LIMK1: variants seen among roughly 807,000 people sequenced by gnomAD.
The protein encoded by LIMK1 is LIM domain kinase 1.
Under a neutral mutation model 77.6 loss-of-function variants are expected in LIMK1, and 21 were observed. The ratio of observed to expected loss-of-function variants is 0.27; its 90% CI spans 0.19 to 0.39. The LOEUF is 0.39. Ranked by LOEUF, LIMK1 falls within the 10% of genes least tolerant of loss-of-function variation. The probability of loss-of-function intolerance (pLI) is 1.00; values close to 1 mark genes in which losing one functional copy is unlikely to be tolerated. For missense variants in LIMK1, 696 were observed against 901.6 expected (o/e 0.77, Z 2.92); for synonymous variants, 358 against 370.0 (o/e 0.97, Z 0.37).
chr7:74,085,761 CGTGT>C lies in LIMK1; in HGVS notation c.73_76del (p.Cys25GlnfsTer16). 6.4e-7 allele frequency: 1 copy of C among 1,559,078 alleles called. No homozygotes were observed. The highest frequency in any genetic ancestry group is 8.7e-7 in the Non-Finnish European group (1 of 1,151,072). On this transcript the variant is annotated frameshift_variant, in exon 2 of 16. Coordinates refer to ENST00000336180, the MANE Select transcript of LIMK1 (RefSeq NM_002314.4). LOFTEE classifies it high-confidence loss of function. The stretch of plus-strand genomic sequence containing the variant: ...CCCACCCTGCAGGAAGCGAGTTGCC[CGTGT>C]GTGCAAGCTGCGGCCAGAGGATCTA...
intron 1 of LIMK1, among the ~76,000 whole-genome samples, chr7:74,084,942 G>A (rs1799106901): frequency 1.3e-5 from 2 of 152,182 alleles, no homozygotes; most frequent in Admixed American, 1.3e-4. Flanking sequence ...TGTAGCCCCT[G>A]CCTACCTAAG....
chr7:74,096,705 G>T lies in LIMK1; in HGVS notation c.236G>T (p.Arg79Leu). 1 of 1,613,848 alleles carries T rather than the reference G, an allele frequency of 6.2e-7. No homozygotes were observed. The highest frequency in any genetic ancestry group is 8.5e-7 in the Non-Finnish European group (1 of 1,179,884). Reference protein sequence around the residue: ...QLFCKKDYWARYGESCHGCSE... With the variant: ...QLFCKKDYWALYGESCHGCSE... ...TTCTGCAAGAAGGACTACTGGGCCC[G>T]CTATGGCGAGTCCTGCCATGGGTGC... Residue 79 changes from arginine to leucine, a missense_variant, in exon 3 of 16, where the codon CGC becomes CTC. Transcript: ENST00000336180.
chr7:74,116,044 C>G (rs1466378823), intron 13 of LIMK1, 86 bp downstream of exon 13: 6 of 1,395,722 alleles, frequency 4.3e-6, no homozygotes, highest in Non-Finnish European at 5.9e-6. Context: ...AGCCCCTGGC[C>G]CCTCCCAGCC....
chr7:74,097,061 C>T lies in LIMK1; in HGVS notation c.292-19C>T. 6 of 1,587,376 alleles carry T rather than the reference C, an allele frequency of 3.8e-6. No individual in the cohort carries two copies. The highest frequency in any genetic ancestry group is 5.2e-6 in the Non-Finnish European group (6 of 1,159,792). On this transcript the variant is annotated intron_variant, in intron 3 of 15. Coordinates refer to ENST00000336180, the MANE Select transcript of LIMK1 (RefSeq NM_002314.4). ...TGGGTCTGCTGAGCTGGGCTGTTCC[C>T]TCCTCACCCCCGCACCAGGTGGCTG...
At chr7:74,107,834 G>C in intron 8 of LIMK1, 37 bp from the exon 9 acceptor site, 1 of 1,528,808 alleles carries the variant, frequency 6.5e-7, no homozygotes, top group Non-Finnish European at 8.9e-7. Context: ...GCTTACAGCA[G>C]AGCTTCTGTC....
chr7:74,116,525 G>T (rs1288246665), intron 13 of LIMK1, among the ~76,000 whole-genome samples: 6 of 152,124 alleles, frequency 3.9e-5, no homozygotes, highest in African/African-American at 1.4e-4. Context: ...CCGGTAGGGT[G>T]AGCTCCTTCT....
At chr7:74,104,951 G>A (rs570138783) in intron 5 of LIMK1, among the ~76,000 whole-genome samples, 1 of 152,248 alleles carries the variant, frequency 6.6e-6, no homozygotes, top group East Asian at 1.9e-4. Context: ...ACTCATGTCT[G>A]TAATCCTAGC....
At position 74,113,383 on chromosome 7, in the gene LIMK1, T is replaced by C. The variant is rs544597268; in HGVS notation, c.1410+1385T>C. ...GCTCACGCCTGTAATCCCAGCACTT[T>C]GGGAGGCCGAAGTGGGTGGATCACT... On this transcript the variant is annotated intron_variant, in intron 12 of 15. Coordinates refer to ENST00000336180, the MANE Select transcript of LIMK1 (RefSeq NM_002314.4). Among the ~76,000 whole-genome samples, 10 of 152,172 alleles carry C rather than the reference T, an allele frequency of 6.6e-5. No individual in the cohort carries two copies. The South Asian group carries it at 2.1e-3, about 32-fold the overall frequency.
intron 5 of LIMK1, among the ~76,000 whole-genome samples, chr7:74,103,894 A>G (rs1554696963): frequency 2.0e-5 from 3 of 152,008 alleles, no homozygotes; most frequent in Non-Finnish European, 4.4e-5. Context: ...TCATGGGCTC[A>G]AGCGATCCTC....
At chr7:74,104,302 G>A (rs1308857472) in intron 5 of LIMK1, among the ~76,000 whole-genome samples, 1 of 151,902 alleles carries the variant, frequency 6.6e-6, no homozygotes. Context: ...CAGGACCTAG[G>A]GCAGAGACAA....
intron 8 of LIMK1, 92 bp from the exon 9 acceptor site, chr7:74,107,779 C>T: frequency 1.1e-6 from 1 of 933,534 alleles, no homozygotes; most frequent in East Asian, 2.6e-5. Flanking sequence ...ATCTGCACAT[C>T]TCCCTGGCAG....
At chr7:74,087,500 A>G (rs1289279515) in intron 2 of LIMK1, among the ~76,000 whole-genome samples, 3 of 152,196 alleles carry the variant, frequency 2.0e-5, no homozygotes, top group African/African-American at 7.2e-5. Flanking sequence ...AACTCCATAA[A>G]AGGGTAGAAG....
At chr7:74,114,711 C>T (rs1335891398) in intron 12 of LIMK1, among the ~76,000 whole-genome samples, 1 of 150,604 alleles carries the variant, frequency 6.6e-6, no homozygotes, top group Admixed American at 6.6e-5. Context: ...GTCAGGAGAT[C>T]GAGACCATCC....
At chr7:74,095,250 T>C (rs1554695401) in intron 2 of LIMK1, among the ~76,000 whole-genome samples, 1 of 152,182 alleles carries the variant, frequency 6.6e-6, no homozygotes, top group Non-Finnish European at 1.5e-5. Flanking sequence ...CTTCTGTCCC[T>C]GTGTGACCGA....
intron 2 of LIMK1, among the ~76,000 whole-genome samples, chr7:74,091,810 G>C (rs1799242085): frequency 6.6e-6 from 1 of 152,162 alleles, no homozygotes; most frequent in Non-Finnish European, 1.5e-5. Flanking sequence ...GTCGGGGGTA[G>C]GGCCGGTGCA....
chr7:74,111,480 C>T, intron 10 of LIMK1, 168 bp from the exon 11 acceptor site: 1 of 627,440 alleles, frequency 1.6e-6, no homozygotes. Context: ...GCTGTGTTGA[C>T]TCATACTCCT....
chr7:74,119,634 A>G (rs1378574270), intron 13 of LIMK1, among the ~76,000 whole-genome samples: 1 of 151,422 alleles, frequency 6.6e-6, no homozygotes, highest in Non-Finnish European at 1.5e-5. Flanking sequence ...ATGGTCAGGC[A>G]CAGTGGCTCA....
rs71094754 is a variant in LIMK1 at position 74,102,484 on chromosome 7, C to CTTTTTTTTTTTT, written c.608+3253_608+3264dup. ...GATATTCTCAAAAGAAGGACCTTCT[C>CTTTTTTTTTTTT]TTTTTTTTTTTTTTTTTTGGAGACA... On this transcript the variant is annotated intron_variant, in intron 5 of 15. Transcript: ENST00000336180. 1.2e-3 allele frequency among the ~76,000 whole-genome samples: 67 copies of CTTTTTTTTTTTT among 54,060 alleles called. 16 individuals are homozygous for CTTTTTTTTTTTT. The highest frequency in any genetic ancestry group is 5.5e-3 in the East Asian group (7 of 1,262). The allele number at this position is 54,060 out of a possible 152,430, so 35.5% of individuals were successfully genotyped here.
intron 5 of LIMK1, among the ~76,000 whole-genome samples, chr7:74,105,119 A>G (rs1358936122): frequency 6.6e-6 from 1 of 152,118 alleles, no homozygotes; most frequent in East Asian, 1.9e-4. Context: ...ACGCTCGGCT[A>G]ATTTTTGTAT....
Sources: allele counts gnomAD v4.1 joint callset (sites outside exome capture counted in the v4.1 genomes callset), GRCh38; gene constraint gnomAD v4.1.1; transcripts MANE v1.5; gene names NCBI Gene and HGNC (gene_info 2026-07-23, HGNC 2026-07-21).